The following NGLY1 variants were observed in gnomAD, a reference collection of about 807,000 sequenced individuals.
The protein encoded by NGLY1 is peptide-N(4)-(N-acetyl-beta-glucosaminyl)asparagine amidase.
In NGLY1, 68 loss-of-function variants were observed where a neutral mutation model predicts 84.6. That is an observed-to-expected ratio of 0.80 (90% CI 0.66 to 0.98). The LOEUF is 0.98. Among genes scored for constraint, NGLY1 ranks in the 50% least tolerant of loss-of-function variants. NGLY1 has a pLI of 0.00. For synonymous variants in NGLY1, 280 were observed against 275.2 expected (o/e 1.02, Z -0.17); for missense variants, 779 against 770.2 (o/e 1.01, Z -0.14).
At chr3:25,785,472 G>A (rs1708582854), upstream of NGLY1, among the ~76,000 whole-genome samples, 1 of 149,778 alleles carries the variant, frequency 6.7e-6, no homozygotes, top group Non-Finnish European at 1.5e-5. Flanking sequence ...AATTATATGA[G>A]AATAGTATAT....
At chr3:25,760,809 G>A (rs1030456898) in intron 3 of NGLY1, among the ~76,000 whole-genome samples, 1 of 109,748 alleles carries the variant, frequency 9.1e-6, no homozygotes, top group South Asian at 3.0e-4. Flanking sequence ...GCGGTGAGCC[G>A]AGATCACGCC....
chr3:25,722,743 T>A (rs1198263657), intron 10 of NGLY1, among the ~76,000 whole-genome samples: 2 of 152,214 alleles, frequency 1.3e-5, no homozygotes, highest in East Asian at 3.9e-4. Context: ...TCCTACTGCA[T>A]GCTCCTCTTA....
chr3:25,741,440 C>T (rs1365158412), intron 4 of NGLY1, among the ~76,000 whole-genome samples: 2 of 151,580 alleles, frequency 1.3e-5, no homozygotes, highest in Non-Finnish European at 2.9e-5. Flanking sequence ...GGACAAATAG[C>T]TATCTATCAG....
At chr3:25,776,415 A>C (rs564882448) in intron 2 of NGLY1, among the ~76,000 whole-genome samples, 3 of 152,332 alleles carry the variant, frequency 2.0e-5, no homozygotes, top group South Asian at 4.1e-4. Flanking sequence ...AACCAATTTG[A>C]ATCTTGAAAA....
chr3:25,720,428 G>A (rs1704925770), intron 10 of NGLY1, among the ~76,000 whole-genome samples: 1 of 152,126 alleles, frequency 6.6e-6, no homozygotes, highest in Admixed American at 6.5e-5. Flanking sequence ...CCCAAAAAGT[G>A]CAATTCTAAA....
intron 3 of NGLY1, among the ~76,000 whole-genome samples, chr3:25,756,879 T>TA (rs1204470062): frequency 3.9e-5 from 6 of 152,242 alleles, no homozygotes; most frequent in African/African-American, 9.6e-5. Flanking sequence ...TTCCCAATAA[T>TA]ACTGTAATAT....
intron 2 of NGLY1, among the ~76,000 whole-genome samples, chr3:25,775,349 C>G (rs987911929): frequency 2.6e-5 from 4 of 152,292 alleles, no homozygotes; most frequent in East Asian, 1.9e-4. Flanking sequence ...ATGTTTACTG[C>G]AGCACTATTC....
chr3:25,737,259 A>T (rs1705875600), intron 6 of NGLY1, 75 bp downstream of exon 6: 4 of 1,277,726 alleles, frequency 3.1e-6, no homozygotes, highest in Non-Finnish European at 4.3e-6. Context: ...ACAGAGAATC[A>T]TGGGCTCAGA....
In NGLY1 at chr3:25,778,492, C is replaced by T. The variant is rs958345657; in HGVS notation, c.246+82G>A. 3.8e-4 allele frequency: 264 copies of T among 697,160 alleles called. 1 individual carries two copies. Among genetic ancestry groups the T allele is most frequent in the Non-Finnish European group, 4.8e-4 (206 of 427,518 alleles). The allele number at this position is 697,160 out of a possible 1,614,324, so 43.2% of individuals were successfully genotyped here. ...AAAATGATAAATTAAAAAACATTAT[C>T]TTATTCAAACAATTATTCACCAACA... On this transcript the variant is annotated intron_variant, in intron 2 of 11. Transcript: ENST00000280700.
At chr3:25,727,101 A>C (rs1490739757) in intron 10 of NGLY1, among the ~76,000 whole-genome samples, 2 of 152,174 alleles carry the variant, frequency 1.3e-5, no homozygotes, top group Admixed American at 6.5e-5. Context: ...GGGGCATGCT[A>C]GTACAGAACC....
At chr3:25,753,942 G>A (rs562743949) in intron 3 of NGLY1, among the ~76,000 whole-genome samples, 12 of 152,138 alleles carry the variant, frequency 7.9e-5, no homozygotes, top group Non-Finnish European at 1.5e-4. Flanking sequence ...ACTGGAATGG[G>A]TGCACAAGAC....
At chr3:25,734,854 T>A (rs1575617369) in intron 7 of NGLY1, 1 of 928,354 alleles carries the variant, frequency 1.1e-6, no homozygotes, top group Non-Finnish European at 1.3e-6. Flanking sequence ...ATTACCTTTT[T>A]AAAATTTATC....
chr3:25,760,860 C>CAAAAAAA, intron 3 of NGLY1, among the ~76,000 whole-genome samples: 1 of 71,676 alleles, frequency 1.4e-5, no homozygotes, highest in Non-Finnish European at 2.4e-5. Context: ...AACTCTGTCT[C>CAAAAAAA]AAAAAAAAAA....
chr3:25,744,864 G>A (rs1424949424), intron 4 of NGLY1, among the ~76,000 whole-genome samples: 3 of 152,128 alleles, frequency 2.0e-5, no homozygotes, highest in African/African-American at 4.8e-5. Context: ...GTGATGTGAA[G>A]GATGGAAAAC....
Position 25,727,289 on chromosome 3 carries a change from C to T in NGLY1, c.1611+1844G>A, listed in dbSNP as rs563189075. On this transcript the variant is annotated intron_variant, in intron 10 of 11. Coordinates refer to ENST00000280700, the MANE Select transcript of NGLY1 (RefSeq NM_018297.4). ...TACCCTTCATAAAAGTATATCAAGG[C>T]ATAAGCTTTACTTGAATAGGGGTGT... Among the ~76,000 whole-genome samples, 5 of 152,316 alleles carry T rather than the reference C, an allele frequency of 3.3e-5. No homozygotes were observed. In the East Asian group the frequency reaches 5.8e-4, roughly 18 times the overall value.
intron 1 of NGLY1, among the ~76,000 whole-genome samples, chr3:25,779,570 A>C (rs1156798419): frequency 6.6e-6 from 1 of 151,646 alleles, no homozygotes. Context: ...TGGGATCCAT[A>C]GGAAGATGTA....
intron 1 of NGLY1, among the ~76,000 whole-genome samples, chr3:25,779,142 G>T (rs1008952488): frequency 3.3e-5 from 5 of 151,750 alleles, no homozygotes; most frequent in Non-Finnish European, 7.4e-5. Context: ...TCACCATGTC[G>T]ACCAGGCTGG....
At position 25,736,129 on chromosome 3, in the gene NGLY1, A is replaced by G; in HGVS notation, c.1024T>C (p.Tyr342His). 1 of 1,613,612 alleles carries G rather than the reference A, an allele frequency of 6.2e-7. No individual in the cohort carries two copies. Among genetic ancestry groups the G allele is most frequent in the Non-Finnish European group, 8.5e-7 (1 of 1,179,838 alleles). The change falls in exon 7 of 12, where the codon TAT becomes CAT. Residue 342 changes from tyrosine to histidine, a missense_variant. By Grantham distance (83) the Tyr-to-His change is moderately conservative. Coordinates refer to ENST00000280700, the MANE Select transcript of NGLY1 (RefSeq NM_018297.4). The stretch of plus-strand genomic sequence containing the variant: ...AGCCACCGCTGCTGAGAAGGAGAAT[A>G]GACTTCTGTCCAGACATGGTCTACT... ...DYTDHVWTEV[Y>H]SPSQQRWLHC...
intron 1 of NGLY1, chr3:25,789,780 T>C (rs1044723061): frequency 6.4e-6 from 9 of 1,416,004 alleles, no homozygotes; most frequent in East Asian, 5.0e-5. Flanking sequence ...AATACGATGG[T>C]GTCCCTTCTC....
Sources: allele counts gnomAD v4.1 joint callset (sites outside exome capture counted in the v4.1 genomes callset), GRCh38; gene constraint gnomAD v4.1.1; transcripts MANE v1.5; gene names NCBI Gene and HGNC (gene_info 2026-07-23, HGNC 2026-07-21).